The following RPS6KA6 variants were observed in gnomAD, a reference collection of about 807,000 sequenced individuals.
The protein encoded by RPS6KA6 is ribosomal protein S6 kinase alpha-6.
In RPS6KA6, 27 loss-of-function variants were observed where a neutral mutation model predicts 65.4. That is an observed-to-expected ratio of 0.41 (90% CI 0.30 to 0.57). The LOEUF is 0.57. RPS6KA6 is among the 20% of genes least tolerant of loss of function. The pLI is 0.24. For synonymous variants in RPS6KA6, 190 were observed against 184.2 expected, an observed-to-expected ratio of 1.03 and a Z score of -0.26; for missense variants, 486 against 555.6, an observed-to-expected ratio of 0.87 and a Z score of 1.26.
chrX:84,172,151 T>G (rs1245361560), intron 1 of RPS6KA6, among the ~76,000 whole-genome samples: 1 of 112,072 alleles, frequency 8.9e-6, no homozygotes, highest in Non-Finnish European at 1.9e-5. Context: ...TGCGTGTTTA[T>G]ATATAGTGTT....
chrX:84,110,804 T>C (rs954383973), intron 12 of RPS6KA6, among the ~76,000 whole-genome samples: 23 of 110,884 alleles, frequency 2.1e-4, no homozygotes, highest in Non-Finnish European at 3.6e-4. Context: ...AAGAATGTAA[T>C]GACATCCCCA....
chrX:84,064,757 C>A (rs1454590032), intron 21 of RPS6KA6, among the ~76,000 whole-genome samples: 2 of 111,488 alleles, frequency 1.8e-5, no homozygotes, highest in Non-Finnish European at 3.8e-5. Flanking sequence ...CTCTCAAAAG[C>A]ACGGCAGGTA....
chrX:84,063,356 A>G lies in RPS6KA6; in HGVS notation c.*921T>C, dbSNP rs1045609049. 3.6e-5 allele frequency: 4 copies of G among 111,447 alleles called. No homozygotes were observed. Among genetic ancestry groups the G allele is most frequent in the Non-Finnish European group, 7.5e-5 (4 of 53,025 alleles). 9.2% of individuals were successfully genotyped at this position (111,447 alleles called of 1,213,427 possible). On this transcript the variant is annotated 3_prime_UTR_variant, in exon 22 of 22. Transcript: ENST00000262752. ...TTCAAAGCACATCGAAGTCAGAAAAACAACAGTGTAGTTCATTTATAAAGG... is the reference window on the plus strand; with the variant it reads ...TTCAAAGCACATCGAAGTCAGAAAAGCAACAGTGTAGTTCATTTATAAAGG...
chrX:84,113,730 T>C (rs1005998174), intron 12 of RPS6KA6, among the ~76,000 whole-genome samples: 1 of 111,301 alleles, frequency 9.0e-6, no homozygotes, highest in Non-Finnish European at 1.9e-5. Flanking sequence ...GTCAAGGATG[T>C]CCACTTTTAC....
At chrX:84,155,517 A>G (rs2035401302) in intron 3 of RPS6KA6, among the ~76,000 whole-genome samples, 1 of 112,187 alleles carries the variant, frequency 8.9e-6, no homozygotes, top group African/African-American at 3.2e-5. Flanking sequence ...AACGACTATA[A>G]TAGTTATTCT....
intron 2 of RPS6KA6, among the ~76,000 whole-genome samples, chrX:84,158,444 T>G (rs1393328983): frequency 3.6e-5 from 4 of 111,165 alleles, no homozygotes; most frequent in Admixed American, 1.9e-4. Context: ...ACGATTTCTT[T>G]TTTTAAATAT....
At chrX:84,152,074 A>G (rs1193302882) in intron 3 of RPS6KA6, among the ~76,000 whole-genome samples, 1 of 111,555 alleles carries the variant, frequency 9.0e-6, no homozygotes, top group Non-Finnish European at 1.9e-5. Context: ...CTTTCTGAAG[A>G]CACTGTTGCA....
At chrX:84,145,627 T>A (rs770488527) in intron 5 of RPS6KA6, 70 bp from the exon 6 acceptor site, 1 of 549,992 alleles carries the variant, frequency 1.8e-6, no homozygotes, top group African/African-American at 2.4e-5. Context: ...GCTTTTAAAT[T>A]AATATATGTT....
At chrX:84,094,324 A>G (rs2034107036) in intron 20 of RPS6KA6, among the ~76,000 whole-genome samples, 1 of 108,314 alleles carries the variant, frequency 9.2e-6, no homozygotes, top group Non-Finnish European at 1.9e-5. Context: ...AAAAAAAAAA[A>G]AAAAAAGAGT....
chrX:84,156,768 G>A (rs1175629351), intron 2 of RPS6KA6, among the ~76,000 whole-genome samples: 2 of 111,254 alleles, frequency 1.8e-5, no homozygotes, highest in Admixed American at 9.6e-5. Context: ...GTACCACCTG[G>A]GTGAAGCAGA....
intron 20 of RPS6KA6, among the ~76,000 whole-genome samples, chrX:84,087,349 G>A (rs899413619): frequency 7.2e-5 from 8 of 111,290 alleles, no homozygotes; most frequent in African/African-American, 2.6e-4. Context: ...GGCAGGCCTG[G>A]TCGTGAAGAA....
intron 8 of RPS6KA6, among the ~76,000 whole-genome samples, chrX:84,122,956 G>T (rs998003908): frequency 1.8e-5 from 2 of 111,586 alleles, no homozygotes; most frequent in Non-Finnish European, 3.8e-5. Flanking sequence ...TAAGGAGGAA[G>T]GAACAAAAAG....
At chrX:84,113,271 C>G (rs61624693) in intron 12 of RPS6KA6, among the ~76,000 whole-genome samples, 36 of 111,375 alleles carry the variant, frequency 3.2e-4, no homozygotes, top group African/African-American at 1.0e-3. Context: ...TAAAACTGTT[C>G]CCAAAAATTG....
intron 6 of RPS6KA6, among the ~76,000 whole-genome samples, chrX:84,140,754 C>T (rs868422860): frequency 1.8e-5 from 1 of 56,365 alleles, no homozygotes; most frequent in East Asian, 1.1e-3. Flanking sequence ...AAAAAAAAAA[C>T]ATACATATAT....
In RPS6KA6 at chrX:84,162,671, C is replaced by T. The variant is rs192165966; in HGVS notation, c.141+1657G>A. On this transcript the variant is annotated intron_variant, in intron 2 of 21. Transcript: ENST00000262752. ...GTTTATGCACCACACACACTGTTCCCCTGTGGTGTAAGCCATGATATCCTT... is the reference window on the plus strand; with the variant it reads ...GTTTATGCACCACACACACTGTTCCTCTGTGGTGTAAGCCATGATATCCTT... Among the ~76,000 whole-genome samples, 114 of 111,848 alleles carry T rather than the reference C, an allele frequency of 1.0e-3. 1 individual carries two copies. The South Asian group carries it at 0.013, about 13-fold the overall frequency.
chrX:84,120,328 G>C (rs1246527704), intron 8 of RPS6KA6, among the ~76,000 whole-genome samples: 1 of 111,155 alleles, frequency 9.0e-6, no homozygotes, highest in African/African-American at 3.3e-5. Context: ...CTGCCGTATT[G>C]ATCTAAGTTT....
At chrX:84,151,023 GATAT>G (rs1478977490) in intron 3 of RPS6KA6, among the ~76,000 whole-genome samples, 1 of 37,715 alleles carries the variant, frequency 2.7e-5, no homozygotes, top group South Asian at 2.3e-3. Context: ...ATAGAGAGAG[GATAT>G]ATAGAGAGGA....
chrX:84,133,140 T>C (rs2034932450), intron 8 of RPS6KA6, among the ~76,000 whole-genome samples: 2 of 112,044 alleles, frequency 1.8e-5, no homozygotes, highest in Admixed American at 9.5e-5. Context: ...ATTCTACTGC[T>C]CAAGGTCATC....
chrX:84,165,131 C>T (rs2035576918), intron 1 of RPS6KA6, among the ~76,000 whole-genome samples: 1 of 110,631 alleles, frequency 9.0e-6, no homozygotes, highest in Admixed American at 9.7e-5. Context: ...GTGACAGAGA[C>T]CCTATGTCTG....
Sources: gnomAD v4.1 joint callset for allele counts (sites outside exome capture counted in the v4.1 genomes callset) on GRCh38, gnomAD v4.1.1 for gene constraint, MANE v1.5 for transcripts, NCBI Gene and HGNC (gene_info 2026-07-23, HGNC 2026-07-21) for gene names.